The following AFDN variants were observed in gnomAD, a reference collection of about 807,000 sequenced individuals.
AFDN encodes afadin.
A neutral mutation model predicts 216.6 loss-of-function variants in AFDN; 68 were observed. The observed-to-expected ratio is 0.31, with a 90% CI of 0.26 to 0.38. AFDN has a LOEUF of 0.38. AFDN is among the 10% of genes least tolerant of loss of function. The pLI, the probability that AFDN is intolerant of heterozygous loss-of-function variation, is 1.00. For synonymous variants in AFDN, 868 were observed against 853.7 expected, an observed-to-expected ratio of 1.02 and a Z score of -0.29; for missense variants, 2,136 against 2,342.0, an observed-to-expected ratio of 0.91 and a Z score of 1.82.
Position 167,946,895 on chromosome 6 carries a change from G to A in AFDN, c.3547G>A (p.Val1183Ile), listed in dbSNP as rs765617215. Reference sequence around the variant, plus strand: ...AGCTGATCACCGTTCCAGCCCCAACGTAGCAAGTAAGAGTGACACTTTTTT... The same window carrying A: ...AGCTGATCACCGTTCCAGCCCCAACATAGCAAGTAAGAGTGACACTTTTTT... ...NRADHRSSPNVANQPPSPGGK... is the reference protein window; with the variant it reads ...NRADHRSSPNIANQPPSPGGK... Residue 1183 changes from valine to isoleucine, a missense_variant, in exon 27 of 34, where the codon GTA becomes ATA. Val to Ile is a conservative substitution (Grantham distance 29, BLOSUM62 3). Transcript: ENST00000683244. 8.7e-6 allele frequency: 14 copies of A among 1,610,164 alleles called. 1 individual carries two copies. The highest frequency in any genetic ancestry group is 5.6e-5 in the South Asian group (5 of 89,952).
In AFDN at chr6:167,965,816, C is replaced by A. The variant is rs370021702; in HGVS notation, c.5028C>A (p.Asp1676Glu). 3.5e-5 allele frequency: 54 copies of A among 1,561,588 alleles called. No individual in the cohort carries two copies. In the African/African-American group the frequency reaches 6.6e-4, roughly 19 times the overall value. Reference sequence around the variant, plus strand: ...AAGCCGAGAGGCGCAGACAGCACGACGAGGCGGCGCGCAGGTTGCTGGAGC... The same window carrying A: ...AAGCCGAGAGGCGCAGACAGCACGAAGAGGCGGCGCGCAGGTTGCTGGAGC... The part of the protein sequence containing the change: ...RLEAERRRQH[D>E]EAARRLLEPE... The change falls in exon 32 of 34, where the codon GAC becomes GAA. Residue 1676 changes from aspartate to glutamate, a missense_variant. By Grantham distance (45) the Asp-to-Glu change is conservative (BLOSUM62 2). Around this residue, in one of 8 missense-constraint regions of AFDN, gnomAD observed 981 missense variants for 966.0 expected, o/e 1.02. Transcript: ENST00000683244.
intron 4 of AFDN, among the ~76,000 whole-genome samples, chr6:167,874,815 A>C (rs1349742727): frequency 2.0e-5 from 3 of 151,874 alleles, no homozygotes; most frequent in Non-Finnish European, 4.4e-5. Context: ...GGGTTTCTCC[A>C]TGTTGGTCAG....
rs116662455 is a variant in AFDN, at chr6:167,925,195, A to C, written c.3099+104A>C. On this transcript the variant is annotated intron_variant, in intron 23 of 33. Transcript: ENST00000683244. ...GGGAGTACTTTACCACCTGTGTATA[A>C]CGTGCCTGTTCAGTTCTGTTTCTGC... 2.4e-3 allele frequency: 1,937 copies of C among 800,264 alleles called. 37 individuals carry two copies. In the African/African-American group the frequency reaches 0.03, roughly 12 times the overall value. 49.6% of individuals were successfully genotyped at this position (800,264 alleles called of 1,614,324 possible).
chr6:167,829,260 A>T (rs1296514197), intron 1 of AFDN, among the ~76,000 whole-genome samples: 1 of 152,130 alleles, frequency 6.6e-6, no homozygotes, highest in East Asian at 1.9e-4. Context: ...TGGCTGGCTC[A>T]CATTTCTATT....
At chr6:167,946,935 C>G (rs768141011) in intron 27 of AFDN, 34 bp downstream of exon 27, 1 of 1,561,640 alleles carries the variant, frequency 6.4e-7, no homozygotes, top group Non-Finnish European at 8.7e-7. Flanking sequence ...CCTAAGTACA[C>G]TTGTGATCAC....
At chr6:167,887,890 A>G (rs534454053) in intron 6 of AFDN, among the ~76,000 whole-genome samples, 1 of 152,328 alleles carries the variant, frequency 6.6e-6, no homozygotes, top group Non-Finnish European at 1.5e-5. Context: ...TAGAGCTTAT[A>G]ATAAAGGGAG....
At chr6:167,857,128 G>A (rs1782989291) in intron 1 of AFDN, among the ~76,000 whole-genome samples, 1 of 152,080 alleles carries the variant, frequency 6.6e-6, no homozygotes. Flanking sequence ...AAAGTATCTT[G>A]AGGCTTAAAA....
At chr6:167,860,261 C>A (rs1247265839) in intron 1 of AFDN, among the ~76,000 whole-genome samples, 1 of 140,730 alleles carries the variant, frequency 7.1e-6, no homozygotes, top group African/African-American at 2.6e-5. Flanking sequence ...GCCCTTGAGA[C>A]TTTATGGCTG....
intron 19 of AFDN, among the ~76,000 whole-genome samples, chr6:167,916,541 T>A (rs1791089344): frequency 6.6e-6 from 1 of 152,074 alleles, no homozygotes; most frequent in Non-Finnish European, 1.5e-5. Flanking sequence ...CCAAATAATA[T>A]CCCAGTGGCT....
chr6:167,917,675 T>C (rs1186071617), intron 20 of AFDN, among the ~76,000 whole-genome samples: 1 of 152,214 alleles, frequency 6.6e-6, no homozygotes, highest in Non-Finnish European at 1.5e-5. Context: ...AAATAGTATC[T>C]ACCACTGTTA....
chr6:167,875,322 T>G lies in AFDN; in HGVS notation c.579-13T>G, dbSNP rs751711089. The G allele has an allele frequency of 6.3e-7, 1 of 1,596,410 alleles. No homozygotes were observed. The highest frequency in any genetic ancestry group is 1.8e-5 in the Admixed American group (1 of 54,852). The stretch of plus-strand genomic sequence containing the variant: ...AGTGTTTAAAATATTTTTGGTATTT[T>G]TTTTTCTTACAGTGAAAATTCTCGA... On this transcript the variant is annotated splice_polypyrimidine_tract_variant and intron_variant, in intron 4 of 33. Coordinates refer to ENST00000683244, the MANE Select transcript of AFDN (RefSeq NM_001386888.1).
intron 15 of AFDN, among the ~76,000 whole-genome samples, chr6:167,912,519 T>C (rs1350715079): frequency 6.6e-6 from 1 of 152,228 alleles, no homozygotes; most frequent in East Asian, 1.9e-4. Flanking sequence ...GTTATGCTTC[T>C]TTTACCCAAG....
At chr6:167,893,802 A>G (rs1009071045) in intron 8 of AFDN, 60 bp from the exon 9 acceptor site, 34 of 1,320,182 alleles carry the variant, frequency 2.6e-5, no homozygotes, top group African/African-American at 1.2e-4. Context: ...CGTGTTCTGC[A>G]TGGTCTCTCT....
rs1336762851 is a variant in AFDN, at chr6:167,972,012, TACTG to T, written c.*2079_*2082del. The T allele has an allele frequency of 5.4e-6, 1 of 186,686 alleles. No homozygotes were observed. Among genetic ancestry groups the T allele is most frequent in the Non-Finnish European group, 1.1e-5 (1 of 88,516 alleles). 11.6% of individuals were successfully genotyped at this position (186,686 alleles called of 1,614,324 possible). A position where few individuals can be genotyped will look rare whatever the true frequency, so the allele number is the denominator to read the frequency against. ...ATCTGTCTCTTCTTCATTAAACACT[TACTG>T]AGTATGATTTCTGTGTCAGGCAGTG... On this transcript the variant is annotated 3_prime_UTR_variant, in exon 34 of 34. Coordinates refer to ENST00000683244, the MANE Select transcript of AFDN (RefSeq NM_001386888.1).
At chr6:167,912,897 T>A (rs550500511) in intron 15 of AFDN, among the ~76,000 whole-genome samples, 16 of 152,228 alleles carry the variant, frequency 1.1e-4, no homozygotes, top group Non-Finnish European at 2.2e-4. Context: ...CTCCCTTTAG[T>A]ATAGGTGTAA....
chr6:167,885,908 GT>G, intron 6 of AFDN, among the ~76,000 whole-genome samples: 1 of 152,160 alleles, frequency 6.6e-6, no homozygotes, highest in East Asian at 1.9e-4. Context: ...CTGTGTATAT[GT>G]TTACATGAGC....
intron 13 of AFDN, among the ~76,000 whole-genome samples, chr6:167,908,194 G>A (rs1374144403): frequency 6.6e-6 from 1 of 152,192 alleles, no homozygotes; most frequent in East Asian, 1.9e-4. Flanking sequence ...TGAGGCAGGC[G>A]ACTTGCCCAG....
chr6:167,837,142 C>G (rs112724296), intron 1 of AFDN, among the ~76,000 whole-genome samples: 9,446 of 152,036 alleles, frequency 0.062, 979 homozygotes, highest in African/African-American at 0.22. Flanking sequence ...ACTAGTAAAT[C>G]AGGAAAAACA....
chr6:167,841,420 A>G (rs1203108898), intron 1 of AFDN, among the ~76,000 whole-genome samples: 2 of 152,108 alleles, frequency 1.3e-5, no homozygotes, highest in Non-Finnish European at 2.9e-5. Flanking sequence ...TGAGAACAAA[A>G]TATCTTGTGG....
Sources: gnomAD v4.1 joint callset for allele counts (sites outside exome capture counted in the v4.1 genomes callset) on GRCh38, gnomAD v4.1.1 for gene constraint, gnomAD v4.1.1 regional missense constraint, MANE v1.5 for transcripts, NCBI Gene and HGNC (gene_info 2026-07-23, HGNC 2026-07-21) for gene names.